RETSAT: variants seen among roughly 807,000 people sequenced by gnomAD.
RETSAT encodes retinol saturase, also known as all-trans-retinol 13,14-reductase.
A neutral mutation model predicts 61.6 loss-of-function variants in RETSAT; 35 were observed. The observed-to-expected ratio is 0.57, with a 90% CI of 0.43 to 0.75. The LOEUF is 0.75. Among genes scored for constraint, RETSAT ranks in the 30% least tolerant of loss-of-function variants. The probability of loss-of-function intolerance (pLI) is 0.00; values close to 1 mark genes in which losing one functional copy is unlikely to be tolerated. For synonymous variants in RETSAT, 277 were observed against 310.4 expected (o/e 0.89, Z 1.13); for missense variants, 670 against 759.5 (o/e 0.88, Z 1.38).
chr2:85,354,070 T>C (rs1312607276), intron 1 of RETSAT, among the ~76,000 whole-genome samples: 1 of 152,202 alleles, frequency 6.6e-6, no homozygotes, highest in African/African-American at 2.4e-5. Context: ...GGATTACAAG[T>C]GGCAGGGCGG....
intron 5 of RETSAT, among the ~76,000 whole-genome samples, chr2:85,348,577 G>A (rs1298831166): frequency 3.1e-4 from 40 of 128,214 alleles, no homozygotes; most frequent in Non-Finnish European, 4.5e-4. Context: ...CTTGCAGTGA[G>A]CCGAGATCAC....
intron 3 of RETSAT, 25 bp downstream of exon 3, chr2:85,350,755 T>A: frequency 3.7e-6 from 6 of 1,613,802 alleles, no homozygotes; most frequent in Non-Finnish European, 5.1e-6. Context: ...GAACAAACTC[T>A]GGGTCCTCAG....
chr2:85,350,049 G>A lies in RETSAT; in HGVS notation c.790C>T (p.Pro264Ser). The change falls in exon 4 of 11, where the codon CCC becomes TCC. Residue 264 changes from proline (P) to serine (S), a missense_variant. By Grantham distance (74) the Pro-to-Ser change is moderately conservative (BLOSUM62 -1). Transcript: ENST00000295802. ...ELQAVLSYIF[P>S]TYGVTPNHSA... Reference sequence around the variant, plus strand: ...CAGGCCCAGTACCCACCGTAAGTGGGGAAGATGTAGCTGAGTACTGCCTGG... The same window carrying A: ...CAGGCCCAGTACCCACCGTAAGTGGAGAAGATGTAGCTGAGTACTGCCTGG... 1 of 1,613,618 alleles carries A rather than the reference G, an allele frequency of 6.2e-7. No homozygotes were observed. The highest frequency in any genetic ancestry group is 8.5e-7 in the Non-Finnish European group (1 of 1,179,986).
intron 5 of RETSAT, among the ~76,000 whole-genome samples, chr2:85,347,926 C>T (rs1430819252): frequency 6.6e-6 from 1 of 152,122 alleles, no homozygotes; most frequent in African/African-American, 2.4e-5. Context: ...TTGCACTGGG[C>T]CCCCCACTTA....
At position 85,349,424 on chromosome 2, in the gene RETSAT, A is replaced by G. The variant is rs775384205; in HGVS notation, c.957T>C (p.Thr319=). 3 of 1,614,162 alleles carry G rather than the reference A, an allele frequency of 1.9e-6. No homozygotes were observed. Among genetic ancestry groups the G allele is most frequent in the Admixed American group, 3.3e-5 (2 of 60,028 alleles). Residue 319 remains threonine (T), a synonymous_variant, in exon 5 of 11, where the codon ACT becomes ACC. Coordinates refer to ENST00000295802, the MANE Select transcript of RETSAT (RefSeq NM_017750.4). ...CTGAGTCCAGCAACACACTCTGCACAGTGGCCTTTGTGAGGACAGCGCCCC... is the reference window on the plus strand; with the variant it reads ...CTGAGTCCAGCAACACACTCTGCACGGTGGCCTTTGTGAGGACAGCGCCCC... ...RAGGAVLTKA[T]VQSVLLDSAG...
At chr2:85,354,283 A>C (rs1683384778) in intron 1 of RETSAT, 53 bp downstream of exon 1, 1 of 1,604,318 alleles carries the variant, frequency 6.2e-7, no homozygotes, top group Non-Finnish European at 8.5e-7. Flanking sequence ...GAGAACCCAA[A>C]TCTGTGAGAA....
intron 6 of RETSAT, 69 bp downstream of exon 6, chr2:85,345,906 A>G: frequency 6.2e-7 from 1 of 1,606,164 alleles, no homozygotes; most frequent in Non-Finnish European, 8.5e-7. Flanking sequence ...ACCCACACGG[A>G]GCAGGTTGGC....
Position 85,342,378 on chromosome 2 carries a change from T to C in RETSAT, c.*864A>G. On this transcript the variant is annotated 3_prime_UTR_variant, in exon 11 of 11. Transcript: ENST00000295802. ...TGCTGTGCCCTTGGCTGGAATGCCC[T>C]GCAGCCTGCTTCAGCCCAGCAAAGT... 6.4e-6 allele frequency: 1 copy of C among 157,372 alleles called. No individual in the cohort carries two copies. The highest frequency in any genetic ancestry group is 1.4e-5 in the Non-Finnish European group (1 of 71,434). 9.7% of individuals were successfully genotyped at this position (157,372 alleles called of 1,614,324 possible). A position where few individuals can be genotyped will look rare whatever the true frequency, so the allele number is the denominator to read the frequency against.
At position 85,343,189 on chromosome 2, in the gene RETSAT, A is replaced by C; in HGVS notation, c.*53T>G. ...TGCAGAAAGACATTATGGGTAAGTC[A>C]AGGGAGATGCCCCAGCCATTGGGCA... is the stretch of plus-strand genomic sequence containing the variant. On this transcript the variant is annotated 3_prime_UTR_variant, in exon 11 of 11. Coordinates refer to ENST00000295802, the MANE Select transcript of RETSAT (RefSeq NM_017750.4). 6.2e-7 allele frequency: 1 copy of C among 1,604,798 alleles called. No individual in the cohort carries two copies.
chr2:85,344,359 CAA>C lies in RETSAT; in HGVS notation c.1257-13_1257-12del. 6.2e-7 allele frequency: 1 copy of C among 1,613,304 alleles called. No individual in the cohort carries two copies. ...ACGTAGCGCTCCATCCTGCATGTGA[CAA>C]GAGTGTGGTGGGATCTCCAGGTTTT... is the stretch of plus-strand genomic sequence containing the variant. On this transcript the variant is annotated splice_polypyrimidine_tract_variant and intron_variant, in intron 7 of 10. Transcript: ENST00000295802.
At position 85,344,732 on chromosome 2, in the gene RETSAT, C is replaced by G; in HGVS notation, c.1118G>C (p.Gly373Ala). 1 of 1,613,948 alleles carries G rather than the reference C, an allele frequency of 6.2e-7. No homozygotes were observed. Among genetic ancestry groups the G allele is most frequent in the South Asian group, 1.1e-5 (1 of 91,056 alleles). ...CACCGTCCCCAGTTGCTGCTTCACA[C>G]CTGCCAGGGGGAGTGGTTGGTGCCT... ...LLPGNARCLPGVKQQLGTVRP... is the reference protein window; with the variant it reads ...LLPGNARCLPAVKQQLGTVRP... Residue 373 changes from glycine (G) to alanine (A), a missense_variant and splice_region_variant, in exon 7 of 11, where the codon GGT becomes GCT. Coordinates refer to ENST00000295802, the MANE Select transcript of RETSAT (RefSeq NM_017750.4).
At chr2:85,343,528 C>T in intron 10 of RETSAT, 111 bp downstream of exon 10, 3 of 1,541,010 alleles carry the variant, frequency 1.9e-6, no homozygotes, top group South Asian at 1.2e-5. Flanking sequence ...CAGCCCTGCT[C>T]AGGGGATGGG....
intron 6 of RETSAT, among the ~76,000 whole-genome samples, chr2:85,345,018 G>A (rs764852987): frequency 1.3e-5 from 2 of 152,206 alleles, no homozygotes; most frequent in Non-Finnish European, 2.9e-5. Flanking sequence ...GTTCCCAGAG[G>A]TCCTGGGACA....
At position 85,354,057 on chromosome 2, in the gene RETSAT, CGG is replaced by C. The variant is rs527393376; in HGVS notation, c.172+277_172+278del. On this transcript the variant is annotated intron_variant, in intron 1 of 10. Coordinates refer to ENST00000295802, the MANE Select transcript of RETSAT (RefSeq NM_017750.4). ...CGGGGATTATCAGTTCCACGAGCCA[CGG>C]GGATTACAAGTGGCAGGGCGGGTGC... Among the ~76,000 whole-genome samples, 1,130 of 152,308 alleles carry C rather than the reference CGG, an allele frequency of 7.4e-3. 10 individuals are homozygous for C. Among genetic ancestry groups the C allele is most frequent in the Middle Eastern group, 0.037 (11 of 294 alleles).
At chr2:85,354,304 G>A in intron 1 of RETSAT, 32 bp downstream of exon 1, 1 of 1,612,256 alleles carries the variant, frequency 6.2e-7, no homozygotes, top group Non-Finnish European at 8.5e-7. Context: ...AGCCTCGAGT[G>A]CAGCCCCGGA....
rs771256576 is a variant in RETSAT, at chr2:85,350,831, C to T, written c.546G>A (p.Glu182=). The part of the protein sequence containing the change: ...GEKAYIQGLK[E]KFPQEEAIID... ...TGATAGCTTCCTCCTGTGGAAACTT[C>T]TCCTTGAGGCCCTGAATGTAGGCTT... Residue 182 remains glutamate (E), a synonymous_variant, in exon 3 of 11, where the codon GAG becomes GAA. Coordinates refer to ENST00000295802, the MANE Select transcript of RETSAT (RefSeq NM_017750.4). The T allele has an allele frequency of 3.7e-6, 6 of 1,614,184 alleles. No individual in the cohort carries two copies. The highest frequency in any genetic ancestry group is 5.1e-6 in the Non-Finnish European group (6 of 1,180,014).
At chr2:85,347,774 AAGG>A (rs1437778335) in intron 5 of RETSAT, among the ~76,000 whole-genome samples, 1 of 152,194 alleles carries the variant, frequency 6.6e-6, no homozygotes, top group African/African-American at 2.4e-5. Flanking sequence ...TTTCAGCTGA[AAGG>A]AGAACTTGTT....
At position 85,350,932 on chromosome 2, in the gene RETSAT, G is replaced by C. The variant is rs757574396; in HGVS notation, c.445C>G (p.Leu149Val). Reference protein sequence around the residue: ...ITEGQLDWAPLSSPFDIMVLE... With the variant: ...ITEGQLDWAPVSSPFDIMVLE... ...ACCATGATGTCAAAAGGAGAGGACAGGGGAGCCCAGTCCAGCTGCCCTTCA... is the reference window on the plus strand; with the variant it reads ...ACCATGATGTCAAAAGGAGAGGACACGGGAGCCCAGTCCAGCTGCCCTTCA... The change falls in exon 3 of 11, where the codon CTG becomes GTG. Residue 149 changes from leucine (L) to valine (V), a missense_variant. By Grantham distance (32) the Leu-to-Val change is conservative. Coordinates refer to ENST00000295802, the MANE Select transcript of RETSAT (RefSeq NM_017750.4). 2.5e-6 allele frequency: 4 copies of C among 1,614,190 alleles called. No homozygotes were observed. In the South Asian group the frequency reaches 4.4e-5, roughly 18 times the overall value.
rs529751435 is a variant in RETSAT at position 85,348,460 on chromosome 2, A to G, written c.997+924T>C. ...CCTGGCTAACACATGGTGAAACCCC[A>G]TCTCTACTAAAAATACAAAAAATTA... On this transcript the variant is annotated intron_variant, in intron 5 of 10. Coordinates refer to ENST00000295802, the MANE Select transcript of RETSAT (RefSeq NM_017750.4). 1.7e-4 allele frequency among the ~76,000 whole-genome samples: 26 copies of G among 151,886 alleles called. No homozygotes were observed. The East Asian group carries it at 3.0e-3, about 17-fold the overall frequency.
Sources: allele counts gnomAD v4.1 joint callset (sites outside exome capture counted in the v4.1 genomes callset), GRCh38; gene constraint gnomAD v4.1.1; transcripts MANE v1.5; gene names NCBI Gene and HGNC (gene_info 2026-07-23, HGNC 2026-07-21).